The following NLRP14 variants were observed in gnomAD, a reference collection of about 807,000 sequenced individuals.
NLRP14 encodes the protein NLR family pyrin domain containing 14.
Under a neutral mutation model 94.7 loss-of-function variants are expected in NLRP14, and 105 were observed. The observed-to-expected ratio is 1.11, with a 90% CI of 0.95 to 1.30. The LOEUF (loss-of-function observed/expected upper bound fraction) is 1.30. Among genes scored for constraint, NLRP14 ranks in the 50% most tolerant of loss-of-function variants. The pLI is 0.00. For missense variants in NLRP14, 1,362 were observed against 1,254.1 expected (o/e 1.09, Z -1.30); for synonymous variants, 508 against 459.9 (o/e 1.10, Z -1.34).
downstream of NLRP14, among the ~76,000 whole-genome samples, chr11:7,072,739 A>G (rs1475604259): frequency 1.3e-5 from 2 of 152,178 alleles, no homozygotes; most frequent in African/African-American, 4.8e-5. Context: ...AAAGTCCACC[A>G]TCTTGCTCCC....
chr11:7,058,904 T>A (rs190689455), intron 8 of NLRP14, among the ~76,000 whole-genome samples: 1 of 151,990 alleles, frequency 6.6e-6, no homozygotes, highest in African/African-American at 2.4e-5. Flanking sequence ...TTCTAAACAT[T>A]GAATTAATAA....
At chr11:7,065,653 C>T (rs955219329) in intron 10 of NLRP14, among the ~76,000 whole-genome samples, 1 of 151,924 alleles carries the variant, frequency 6.6e-6, no homozygotes, top group Admixed American at 6.6e-5. Context: ...CAGTGGTTCA[C>T]CAATTTATCA....
At chr11:7,089,764 C>T in the NLRP14 span, 3 of 1,575,328 alleles carry the variant, frequency 1.9e-6, no homozygotes, top group Non-Finnish European at 2.6e-6. Flanking sequence ...GAGGGCTACT[C>T]GTCCAGAGAC....
At chr11:7,042,201 G>T (rs1255743219) in intron 3 of NLRP14, among the ~76,000 whole-genome samples, 187 bp from the exon 4 acceptor site, 1 of 151,448 alleles carries the variant, frequency 6.6e-6, no homozygotes, top group Non-Finnish European at 1.5e-5. Context: ...ATCTAATACA[G>T]GTTTTAAATC....
At chr11:7,052,788 C>A (rs2119659054) in intron 6 of NLRP14, among the ~76,000 whole-genome samples, 1 of 152,216 alleles carries the variant, frequency 6.6e-6, no homozygotes, top group African/African-American at 2.4e-5. Flanking sequence ...AGTGAGGAAA[C>A]TCTGTGGCTC....
rs976417849 is a variant in NLRP14, at chr11:7,046,046, A to G, written c.1959-622A>G. Among the ~76,000 whole-genome samples the G allele has an allele frequency of 2.6e-5, 4 of 152,116 alleles. No individual in the cohort carries two copies. In the South Asian group the frequency reaches 8.3e-4, roughly 32 times the overall value. ...CTGTTTTATTACCCTTTATTTGTTC[A>G]TGAGTTTATTGATAATATTCCTAAT... On this transcript the variant is annotated intron_variant, in intron 4 of 11. Coordinates refer to ENST00000299481, the MANE Select transcript of NLRP14 (RefSeq NM_176822.4).
chr11:7,085,372 T>C, the NLRP14 span, among the ~76,000 whole-genome samples: 1 of 152,202 alleles, frequency 6.6e-6, no homozygotes, highest in East Asian at 1.9e-4. Flanking sequence ...TCTGTACTCA[T>C]TAAGCAACAG....
the NLRP14 span, among the ~76,000 whole-genome samples, chr11:7,079,676 C>A: frequency 1.3e-5 from 2 of 152,160 alleles, no homozygotes; most frequent in African/African-American, 4.8e-5. Context: ...AGCACTGAGA[C>A]AAAAGACAAA....
intron 1 of NLRP14, among the ~76,000 whole-genome samples, chr11:7,024,804 A>G (rs900286880): frequency 6.6e-6 from 1 of 152,162 alleles, no homozygotes; most frequent in African/African-American, 2.4e-5. Flanking sequence ...CATGTTAGCA[A>G]TTGAATTGGA....
At chr11:7,068,096 C>A (rs1852733325) in intron 10 of NLRP14, among the ~76,000 whole-genome samples, 1 of 151,856 alleles carries the variant, frequency 6.6e-6, no homozygotes, top group Non-Finnish European at 1.5e-5. Context: ...ATTTGCTTAA[C>A]TTCTTAATCA....
chr11:7,056,800 G>A (rs937332483), intron 6 of NLRP14, among the ~76,000 whole-genome samples: 54 of 152,020 alleles, frequency 3.6e-4, no homozygotes, highest in African/African-American at 1.3e-3. Flanking sequence ...TTAACTTAAG[G>A]TGATTATTAG....
At chr11:7,073,085 T>C (rs1254932757), downstream of NLRP14, among the ~76,000 whole-genome samples, 1 of 152,168 alleles carries the variant, frequency 6.6e-6, no homozygotes, top group African/African-American at 2.4e-5. Context: ...GGCCTCTCCA[T>C]GTGGTTTCTG....
At chr11:7,029,877 T>G (rs1852067175) in intron 1 of NLRP14, among the ~76,000 whole-genome samples, 1 of 152,184 alleles carries the variant, frequency 6.6e-6, no homozygotes, top group Non-Finnish European at 1.5e-5. Context: ...TGGTTGTTAT[T>G]GAGGTTGTTG....
At chr11:7,085,628 G>C in the NLRP14 span, among the ~76,000 whole-genome samples, 1 of 151,908 alleles carries the variant, frequency 6.6e-6, no homozygotes, top group Non-Finnish European at 1.5e-5. Context: ...ACGGGGAATT[G>C]GTTCCAGGAC....
chr11:7,028,250 C>G (rs1446588287), intron 1 of NLRP14, among the ~76,000 whole-genome samples: 1 of 152,166 alleles, frequency 6.6e-6, no homozygotes, highest in Non-Finnish European at 1.5e-5. Context: ...TTTAAACAAT[C>G]TTCTCAATCT....
chr11:7,061,791 A>G (rs1176127564), intron 9 of NLRP14, among the ~76,000 whole-genome samples: 1 of 151,998 alleles, frequency 6.6e-6, no homozygotes, highest in Non-Finnish European at 1.5e-5. Context: ...GCAACAACAA[A>G]TATGGTTTAG....
chr11:7,043,290 G>A lies in NLRP14; in HGVS notation c.1264G>A (p.Ala422Thr). The change falls in exon 4 of 12, where the codon GCC becomes ACC. Residue 422 changes from alanine to threonine, a missense_variant. By Grantham distance (58) the Ala-to-Thr change is moderately conservative. Coordinates refer to ENST00000299481, the MANE Select transcript of NLRP14 (RefSeq NM_176822.4). ...AGGCTCTCCTAGTCTACCCAACCAA[G>A]CCCAGCTGAGAAGACTGTGCCAAGT... Reference protein sequence around the residue: ...DGGSPSLPNQAQLRRLCQVAA... With the variant: ...DGGSPSLPNQTQLRRLCQVAA... 2 of 1,614,158 alleles carry A rather than the reference G, an allele frequency of 1.2e-6. No individual in the cohort carries two copies. Among genetic ancestry groups the A allele is most frequent in the Non-Finnish European group, 1.7e-6 (2 of 1,180,022 alleles).
chr11:7,078,583 T>A, the NLRP14 span, among the ~76,000 whole-genome samples: 13 of 149,146 alleles, frequency 8.7e-5, no homozygotes, highest in Non-Finnish European at 1.9e-4. Context: ...TGAGGTCAGG[T>A]GTTTGAGACC....
intron 3 of NLRP14, 147 bp downstream of exon 3, chr11:7,039,932 A>G: frequency 9.7e-6 from 7 of 724,898 alleles, no homozygotes; most frequent in South Asian, 1.5e-5. Context: ...AAAAAGGATC[A>G]GCAAAACACT....
Sources: allele counts gnomAD v4.1 joint callset (sites outside exome capture counted in the v4.1 genomes callset), GRCh38; gene constraint gnomAD v4.1.1; transcripts MANE v1.5; gene names NCBI Gene and HGNC (gene_info 2026-07-23, HGNC 2026-07-21).